Variants in SRC observed in about 807,000 individuals in gnomAD.
The protein encoded by SRC is SRC proto-oncogene, non-receptor tyrosine kinase, also known as proto-oncogene tyrosine-protein kinase Src.
In SRC, 13 loss-of-function variants were observed where a neutral mutation model predicts 62.9. The ratio of observed to expected loss-of-function variants is 0.21; its 90% confidence interval spans 0.13 to 0.33. SRC has a LOEUF of 0.33. SRC is among the 10% of genes least tolerant of loss of function. The pLI is 1.00. For missense variants in SRC, 457 were observed against 737.3 expected (o/e 0.62, Z 4.40); for synonymous variants, 302 against 317.5 (o/e 0.95, Z 0.52).
At chr20:37,373,257 C>T (rs1600980857) in intron 2 of SRC, among the ~76,000 whole-genome samples, 4 of 78,258 alleles carry the variant, frequency 5.1e-5, no homozygotes, top group Non-Finnish European at 9.0e-5. Context: ...CACGCACACA[C>T]ATGTACATAC....
At chr20:37,386,531 G>T in intron 5 of SRC, 1 of 707,780 alleles carries the variant, frequency 1.4e-6, no homozygotes, top group South Asian at 1.5e-5. Flanking sequence ...GCGGGGGGTG[G>T]GGGCTGCTGT....
Position 37,384,549 on chromosome 20 carries a change from G to GGGA in SRC, c.250+146_250+147insGGA. ...CCTGGGTGACTTGGGTGTCCGGGGGGTGGGGGGGCGGCCGTACACACTGTG... is the reference window on the plus strand; with the variant it reads ...CCTGGGTGACTTGGGTGTCCGGGGGGGGATGGGGGGGCGGCCGTACACACTGTG... On this transcript the variant is annotated intron_variant, in intron 4 of 13. Transcript: ENST00000373578. This position sits in a 1 kb window ranked among gnomAD's most constrained non-coding sequence, Gnocchi z 6.7. 1 of 938,012 alleles carries GGGA rather than the reference G, an allele frequency of 1.1e-6. No individual in the cohort carries two copies. Among genetic ancestry groups the GGGA allele is most frequent in the Non-Finnish European group, 1.4e-6 (1 of 724,318 alleles). The allele number at this position is 938,012 out of a possible 1,614,324, so 58.1% of individuals were successfully genotyped here. A position where few individuals can be genotyped will look rare whatever the true frequency, so the allele number is the denominator to read the frequency against.
chr20:37,394,926 G>T (rs1037158586), intron 7 of SRC, among the ~76,000 whole-genome samples: 3 of 152,194 alleles, frequency 2.0e-5, no homozygotes, highest in South Asian at 4.1e-4. Context: ...GTGTGTGTGT[G>T]TGCATGTGGG....
intron 1 of SRC, among the ~76,000 whole-genome samples, chr20:37,357,630 G>A (rs2069903476): frequency 1.3e-5 from 2 of 152,262 alleles, no homozygotes; most frequent in Admixed American, 1.3e-4. Context: ...CATCAGAGCT[G>A]TGGTCGGTCC....
At position 37,384,548 on chromosome 20, in the gene SRC, GGT is replaced by G. The variant is rs2070418783; in HGVS notation, c.250+147_250+148del. On this transcript the variant is annotated intron_variant, in intron 4 of 13. Transcript: ENST00000373578. This position sits in a 1 kb window ranked among gnomAD's most constrained non-coding sequence, Gnocchi z 6.7. The stretch of plus-strand genomic sequence containing the variant: ...CCCTGGGTGACTTGGGTGTCCGGGG[GGT>G]GGGGGGGCGGCCGTACACACTGTGA... 1 of 957,592 alleles carries G rather than the reference GGT, an allele frequency of 1.0e-6. No individual in the cohort carries two copies. Among genetic ancestry groups the G allele is most frequent in the Non-Finnish European group, 1.3e-6 (1 of 742,048 alleles). 59.3% of individuals were successfully genotyped at this position (957,592 alleles called of 1,614,324 possible).
rs2069804397 is a variant in SRC, at chr20:37,351,721, C to A, written c.-247+5466C>A. 6.6e-6 allele frequency among the ~76,000 whole-genome samples: 1 copy of A among 152,186 alleles called. No individual in the cohort carries two copies. Among genetic ancestry groups the A allele is most frequent in the Non-Finnish European group, 1.5e-5 (1 of 68,034 alleles). On this transcript the variant is annotated intron_variant, in intron 1 of 13. Transcript: ENST00000373578. The surrounding 1 kb of genome is among the most constrained non-coding windows in gnomAD (Gnocchi z 4.4). ...GTCATAATAAGGTGACCCATTGTGT[C>A]CCTTGCTCCATCCTGGGAGCAGTCA...
chr20:37,386,201 T>G, intron 5 of SRC, 27 bp downstream of exon 5: 1 of 1,602,088 alleles, frequency 6.2e-7, no homozygotes, highest in Non-Finnish European at 8.6e-7. Context: ...CTATTGCCCC[T>G]CAGGGCTGGG....
rs780787481 is a variant in SRC at position 37,384,252 on chromosome 20, C to T, written c.99C>T (p.Pro33=). ...NVHGAGGGAF[P]ASQTPSKPAS... The stretch of plus-strand genomic sequence containing the variant: ...ACGGCGCTGGCGGGGGCGCTTTCCC[C>T]GCCTCGCAGACCCCCAGCAAGCCAG... Residue 33 remains proline, a synonymous_variant, in exon 4 of 14, where the codon CCC becomes CCT. Coordinates refer to ENST00000373578, the MANE Select transcript of SRC (RefSeq NM_198291.3). This position sits in a 1 kb window ranked among gnomAD's most constrained non-coding sequence, Gnocchi z 6.7. 2 of 1,563,958 alleles carry T rather than the reference C, an allele frequency of 1.3e-6. No homozygotes were observed. Among genetic ancestry groups the T allele is most frequent in the South Asian group, 1.1e-5 (1 of 87,848 alleles).
At chr20:37,349,374 G>C (rs1451270274) in intron 1 of SRC, among the ~76,000 whole-genome samples, 1 of 152,170 alleles carries the variant, frequency 6.6e-6, no homozygotes, top group Non-Finnish European at 1.5e-5. Flanking sequence ...GGAGGGGTCA[G>C]CCCGAGAGAT....
chr20:37,387,551 C>T (rs745546055), intron 5 of SRC, among the ~76,000 whole-genome samples: 54 of 15,078 alleles, frequency 3.6e-3, no homozygotes, highest in African/African-American at 5.6e-3. Flanking sequence ...CTGCTCTTGG[C>T]GGGGGGGTGG....
chr20:37,363,615 C>T (rs1054174856), intron 1 of SRC, among the ~76,000 whole-genome samples: 7 of 152,164 alleles, frequency 4.6e-5, no homozygotes, highest in South Asian at 2.1e-4. Flanking sequence ...TGGAGGGGAG[C>T]GTGAACCCCG....
At chr20:37,354,994 G>A (rs564098624) in intron 1 of SRC, among the ~76,000 whole-genome samples, 11 of 152,302 alleles carry the variant, frequency 7.2e-5, no homozygotes, top group Middle Eastern at 6.8e-3. Context: ...CAGGAGGGGC[G>A]AGCAGCATCC....
chr20:37,402,515 G>A lies in SRC; in HGVS notation c.1197G>A (p.Glu399=). Residue 399 remains glutamate (E), a synonymous_variant, in exon 12 of 14, where the codon GAG becomes GAA. Coordinates refer to ENST00000373578, the MANE Select transcript of SRC (RefSeq NM_198291.3). The surrounding 1 kb of genome is among the most constrained non-coding windows in gnomAD (Gnocchi z 6.2). ...GTGCAGCCAACATCCTGGTGGGAGA[G>A]AACCTGGTGTGCAAAGTGGCGGACT... ...DLRAANILVG[E]NLVCKVADFG... is the part of the protein sequence containing the mutation. 1.9e-6 allele frequency: 3 copies of A among 1,614,128 alleles called. No individual in the cohort carries two copies. The highest frequency in any genetic ancestry group is 2.7e-5 in the African/African-American group (2 of 75,032).
At chr20:37,373,410 TATATAC>T (rs2070224521) in intron 2 of SRC, among the ~76,000 whole-genome samples, 1 of 140,130 alleles carries the variant, frequency 7.1e-6, no homozygotes, top group Non-Finnish European at 1.5e-5. Context: ...TATATACGCA[TATATAC>T]GCATATATGC....
At position 37,384,001 on chromosome 20, in the gene SRC, G is replaced by A; in HGVS notation, c.-4-149G>A. The A allele has an allele frequency of 9.5e-7, 1 of 1,055,456 alleles. No individual in the cohort carries two copies. The allele number at this position is 1,055,456 out of a possible 1,614,324, so 65.4% of individuals were successfully genotyped here. ...TCCGCCCGCTTCGGCCTCCCAAAGT[G>A]CTGGGATTACAGGCGTGAGCCACCG... On this transcript the variant is annotated intron_variant, in intron 3 of 13. Transcript: ENST00000373578. The surrounding 1 kb of genome is among the most constrained non-coding windows in gnomAD (Gnocchi z 6.7).
Position 37,396,044 on chromosome 20 carries a change from G to C in SRC, c.554-118G>C. ...GGCTGTTGAGAGACAGGGTGGGCCT[G>C]GGGCCCCGCCTGGGCCTCCCTTCCC... On this transcript the variant is annotated intron_variant, in intron 7 of 13. Coordinates refer to ENST00000373578, the MANE Select transcript of SRC (RefSeq NM_198291.3). The surrounding 1 kb of genome is among the most constrained non-coding windows in gnomAD (Gnocchi z 6.1). The C allele has an allele frequency of 6.9e-7, 1 of 1,456,406 alleles. No homozygotes were observed. Among genetic ancestry groups the C allele is most frequent in the Non-Finnish European group, 9.2e-7 (1 of 1,087,240 alleles). 90.2% of individuals were successfully genotyped at this position (1,456,406 alleles called of 1,614,324 possible).
upstream of SRC, among the ~76,000 whole-genome samples, chr20:37,345,917 C>A (rs977375588): frequency 6.6e-5 from 10 of 152,074 alleles, no homozygotes; most frequent in African/African-American, 2.4e-4. Flanking sequence ...TGTCCCCACC[C>A]CGCCCGGACC....
chr20:37,403,440 G>A lies in SRC; in HGVS notation c.*61G>A, dbSNP rs77995057. On this transcript the variant is annotated 3_prime_UTR_variant, in exon 14 of 14. Transcript: ENST00000373578. This position sits in a 1 kb window ranked among gnomAD's most constrained non-coding sequence, Gnocchi z 7.1. ...TCCTGGGCTGGGTGGCCCCTGTCTC[G>A]GGGCTTGCCCCACTCTGCCTGCCTG... 4,491 of 1,497,484 alleles carry A rather than the reference G, an allele frequency of 3.0e-3. 115 individuals are homozygous for A. In the African/African-American group the frequency reaches 0.055, roughly 18 times the overall value. 92.8% of individuals were successfully genotyped at this position (1,497,484 alleles called of 1,614,324 possible). A position where few individuals can be genotyped will look rare whatever the true frequency, so the allele number is the denominator to read the frequency against.
chr20:37,355,638 A>G (rs2069870955), intron 1 of SRC, among the ~76,000 whole-genome samples: 1 of 152,104 alleles, frequency 6.6e-6, no homozygotes, highest in Non-Finnish European at 1.5e-5. Flanking sequence ...TCATTTCCCT[A>G]TGGCACGATG....
Sources: gnomAD v4.1 joint callset for allele counts (sites outside exome capture counted in the v4.1 genomes callset) on GRCh38, gnomAD v4.1.1 for gene constraint, Gnocchi (gnomAD v3.1) non-coding constraint, MANE v1.5 for transcripts, NCBI Gene and HGNC (gene_info 2026-07-23, HGNC 2026-07-21) for gene names.